TRIQK: variants seen among roughly 807,000 people sequenced by gnomAD.
TRIQK encodes triple QxxK/R motif containing.
Under a neutral mutation model 10.8 loss-of-function variants are expected in TRIQK, and 10 were observed. The observed-to-expected ratio is 0.92, with a 90% CI of 0.57 to 1.57. The LOEUF is 1.57. TRIQK is among the 40% of genes most tolerant of loss of function. The probability of loss-of-function intolerance (pLI) is 0.00; values close to 1 mark genes in which losing one functional copy is unlikely to be tolerated. For synonymous variants in TRIQK, 33 were observed against 33.7 expected, an observed-to-expected ratio of 0.98 and a Z score of 0.07; for missense variants, 107 against 97.7, an observed-to-expected ratio of 1.09 and a Z score of -0.40.
intron 4 of TRIQK, among the ~76,000 whole-genome samples, chr8:92,890,689 C>T (rs540751148): frequency 1.3e-5 from 2 of 151,790 alleles, no homozygotes; most frequent in Non-Finnish European, 2.9e-5. Flanking sequence ...TATTGTGCCA[C>T]AAGAGGATTT....
intron 2 of TRIQK, among the ~76,000 whole-genome samples, chr8:92,924,839 C>A (rs1431012719): frequency 6.6e-6 from 1 of 151,916 alleles, no homozygotes; most frequent in Non-Finnish European, 1.5e-5. Context: ...CACTGAGGAA[C>A]AAATTCGTAC....
At chr8:92,933,630 A>G (rs1486833030) in intron 2 of TRIQK, among the ~76,000 whole-genome samples, 2 of 152,132 alleles carry the variant, frequency 1.3e-5, no homozygotes, top group African/African-American at 4.8e-5. Context: ...CTTTGAAGAT[A>G]AGGCATAAAG....
At chr8:92,929,871 G>C (rs1290356584) in intron 2 of TRIQK, among the ~76,000 whole-genome samples, 1 of 152,056 alleles carries the variant, frequency 6.6e-6, no homozygotes, top group Admixed American at 6.6e-5. Context: ...AAGAAGATAG[G>C]TTAGTTAAGC....
chr8:93,008,074 T>C lies in TRIQK; in HGVS notation c.-181+9535A>G, dbSNP rs1813292295. ...AATACTGCATGTTCTCACTTATAAG[T>C]GGGAGCTGAACAATGAGAACACCTG... On this transcript the variant is annotated intron_variant, in intron 1 of 4. Transcript: ENST00000520686. Among the ~76,000 whole-genome samples the C allele has an allele frequency of 2.6e-5, 4 of 152,062 alleles. No individual in the cohort carries two copies. In the South Asian group the frequency reaches 8.3e-4, roughly 32 times the overall value.
At chr8:92,902,694 A>C (rs1467607245) in intron 3 of TRIQK, among the ~76,000 whole-genome samples, 1 of 152,140 alleles carries the variant, frequency 6.6e-6, no homozygotes, top group African/African-American at 2.4e-5. Context: ...CCTATATTTA[A>C]GTAATTTTAT....
At chr8:93,003,800 G>C (rs1332867525) in intron 1 of TRIQK, among the ~76,000 whole-genome samples, 1 of 152,174 alleles carries the variant, frequency 6.6e-6, no homozygotes, top group Non-Finnish European at 1.5e-5. Flanking sequence ...CAAAAAAAAG[G>C]GAGGCTACAA....
chr8:92,994,637 T>C (rs1813134058), intron 1 of TRIQK, among the ~76,000 whole-genome samples: 1 of 152,068 alleles, frequency 6.6e-6, no homozygotes, highest in African/African-American at 2.4e-5. Context: ...GTTTTAACTT[T>C]GTTAATCTAC....
At chr8:92,916,508 A>T (rs1025770835) in intron 3 of TRIQK, among the ~76,000 whole-genome samples, 4 of 152,064 alleles carry the variant, frequency 2.6e-5, no homozygotes, top group African/African-American at 9.7e-5. Flanking sequence ...ATAAAAGAAC[A>T]TTTGTTCTAC....
At chr8:92,987,908 G>C (rs1440665968) in intron 1 of TRIQK, among the ~76,000 whole-genome samples, 1 of 150,498 alleles carries the variant, frequency 6.6e-6, no homozygotes, top group Non-Finnish European at 1.5e-5. Context: ...AGATACAAAA[G>C]ACACAGATAC....
chr8:92,914,530 A>G (rs373741186), intron 3 of TRIQK, among the ~76,000 whole-genome samples: 13 of 152,302 alleles, frequency 8.5e-5, no homozygotes, highest in Non-Finnish European at 1.3e-4. Flanking sequence ...ATATTTTACA[A>G]TAGTAAAAAA....
chr8:92,968,842 C>A (rs1445844697), upstream of TRIQK, among the ~76,000 whole-genome samples: 1 of 152,004 alleles, frequency 6.6e-6, no homozygotes, highest in Non-Finnish European at 1.5e-5. Context: ...TTTGTTGCAA[C>A]TGCTTTTGGA....
rs1812917235 is a variant in TRIQK at position 92,975,036 on chromosome 8, C to CT, written c.-180-20473dup. On this transcript the variant is annotated intron_variant, in intron 1 of 4. Transcript: ENST00000520686. ...CTCTACTGTCCTATTTCTGGCAGGC[C>CT]TGGCTCTCAGGGATGCTCACCTTCT... Among the ~76,000 whole-genome samples the CT allele has an allele frequency of 3.3e-5, 5 of 152,300 alleles. No homozygotes were observed. The South Asian group carries it at 6.2e-4, about 19-fold the overall frequency.
At chr8:92,894,411 A>G (rs1816913440) in intron 3 of TRIQK, among the ~76,000 whole-genome samples, 1 of 152,040 alleles carries the variant, frequency 6.6e-6, no homozygotes, top group African/African-American at 2.4e-5. Context: ...AAAATATAAA[A>G]TATAGAAGTC....
chr8:92,962,097 T>C (rs59969479), intron 1 of TRIQK, among the ~76,000 whole-genome samples: 15,388 of 152,106 alleles, frequency 0.1, 1,829 homozygotes, highest in African/African-American at 0.28. Flanking sequence ...TTCTACCATA[T>C]AAAAAAGGTA....
chr8:93,014,972 T>C (rs1438291502), intron 1 of TRIQK, among the ~76,000 whole-genome samples: 1 of 152,044 alleles, frequency 6.6e-6, no homozygotes, highest in Non-Finnish European at 1.5e-5. Context: ...GTGGAGAACA[T>C]AGATGTTCAA....
chr8:92,986,935 TATAA>T (rs1433760587), intron 1 of TRIQK, among the ~76,000 whole-genome samples: 2 of 152,158 alleles, frequency 1.3e-5, no homozygotes, highest in East Asian at 3.9e-4. Flanking sequence ...TTGAAAGTAT[TATAA>T]ATCAGGACAT....
intron 3 of TRIQK, among the ~76,000 whole-genome samples, chr8:92,910,990 C>G (rs1047622101): frequency 1.3e-5 from 2 of 150,980 alleles, no homozygotes; most frequent in Non-Finnish European, 1.5e-5. Flanking sequence ...TTAGAGAATA[C>G]CTATTCCTTT....
intron 1 of TRIQK, among the ~76,000 whole-genome samples, chr8:92,977,590 G>C (rs1278123399): frequency 1.3e-5 from 2 of 151,898 alleles, no homozygotes; most frequent in Non-Finnish European, 2.9e-5. Context: ...AGTTATAACT[G>C]CTTATCATCC....
Position 92,900,719 on chromosome 8 carries a change from T to C in TRIQK, c.62-8645A>G, listed in dbSNP as rs183475792. Among the ~76,000 whole-genome samples, 230 of 152,202 alleles carry C rather than the reference T, an allele frequency of 1.5e-3. 1 individual carries two copies. Among genetic ancestry groups the C allele is most frequent in the African/African-American group, 5.1e-3 (213 of 41,548 alleles). On this transcript the variant is annotated intron_variant, in intron 3 of 4. Transcript: ENST00000521988. ...TTTTGCTCAGGATGGCTTTTGCAAT[T>C]CTGAGGCTTTTTTGGTTTAATATAA...
Sources: allele counts gnomAD v4.1 joint callset (sites outside exome capture counted in the v4.1 genomes callset), GRCh38; gene constraint gnomAD v4.1.1; transcripts MANE v1.5; gene names NCBI Gene and HGNC (gene_info 2026-07-23, HGNC 2026-07-21).